NDUFA3: variants seen among roughly 807,000 people sequenced by gnomAD.
NDUFA3 encodes NADH:ubiquinone oxidoreductase subunit A3, also known as NADH dehydrogenase [ubiquinone] 1 alpha subcomplex subunit 3.
In NDUFA3, 10 loss-of-function variants were observed where a neutral mutation model predicts 11.4. The ratio of observed to expected loss-of-function variants is 0.87; its 90% confidence interval spans 0.54 to 1.48. NDUFA3 has a LOEUF of 1.48. Among genes scored for constraint, NDUFA3 ranks in the 40% most tolerant of loss-of-function variants. NDUFA3 has a pLI of 0.00. For synonymous variants in NDUFA3, 39 were observed against 46.9 expected (o/e 0.83, Z 0.68); for missense variants, 115 against 110.5 (o/e 1.04, Z -0.18).
In NDUFA3 at chr19:54,107,126, AG is replaced by A. The variant is rs760267343; in HGVS notation, c.*227del. ...ACCCCGAGAAACCCAACTGGAATCC[AG>A]GGCCTCATCTGCTTCAAAGCCAAAG... On this transcript the variant is annotated 3_prime_UTR_variant, in exon 4 of 4. Transcript: ENST00000485876. The A allele has an allele frequency of 2.1e-5, 34 of 1,614,004 alleles. No homozygotes were observed. The African/African-American group carries it at 4.3e-4, about 20-fold the overall frequency.
At chr19:54,104,943 G>A (rs1181814391) in intron 2 of NDUFA3, among the ~76,000 whole-genome samples, 1 of 151,948 alleles carries the variant, frequency 6.6e-6, no homozygotes. Context: ...TCATCATATT[G>A]GTCAGGCTGG....
At position 54,106,922 on chromosome 19, in the gene NDUFA3, C is replaced by T. The variant is rs112753447; in HGVS notation, c.*20C>T. ...CTGTGAGCACCTCCACTGACAGAGG[C>T]GGCCCCTCCCACGGCTCCCAATAAA... On this transcript the variant is annotated 3_prime_UTR_variant, in exon 4 of 4. Transcript: ENST00000485876. 7,757 of 1,605,568 alleles carry T rather than the reference C, an allele frequency of 4.8e-3. 341 individuals carry two copies. In the African/African-American group the frequency reaches 0.091, roughly 19 times the overall value.
chr19:54,104,365 T>G (rs1203822828), intron 2 of NDUFA3, among the ~76,000 whole-genome samples: 1 of 150,894 alleles, frequency 6.6e-6, no homozygotes, highest in Non-Finnish European at 1.5e-5. Flanking sequence ...CTTGAACTCC[T>G]GACCGCAAGT....
intron 3 of NDUFA3, 180 bp downstream of exon 3, chr19:54,106,191 T>A: frequency 1.6e-6 from 1 of 641,062 alleles, no homozygotes; most frequent in Non-Finnish European, 2.6e-6. Flanking sequence ...TGTTTGTGCT[T>A]CGTTTTTGTT....
rs372184297 is a variant in NDUFA3 at position 54,106,966 on chromosome 19, C to A, written c.*64C>A. 2.1e-4 allele frequency: 336 copies of A among 1,601,304 alleles called. 2 individuals are homozygous for A. In the East Asian group the frequency reaches 3.1e-3, roughly 15 times the overall value. ...CAATAAAAATGTGAAAACCAACCCC[C>A]GAACGTGAGCATGTGTGTGATCAGA... is the stretch of plus-strand genomic sequence containing the variant. On this transcript the variant is annotated 3_prime_UTR_variant, in exon 4 of 4. Transcript: ENST00000485876.
In NDUFA3 at chr19:54,102,902, C is replaced by G. The variant is rs756953859; in HGVS notation, c.10+14C>G. 1 of 1,609,526 alleles carries G rather than the reference C, an allele frequency of 6.2e-7. No homozygotes were observed. Reference sequence around the variant, plus strand: ...AGATGGCTGCGAGTAAGTGCAGGTGCCGGTGGCGCACGGGGCTCGGGTAGT... The same window carrying G: ...AGATGGCTGCGAGTAAGTGCAGGTGGCGGTGGCGCACGGGGCTCGGGTAGT... On this transcript the variant is annotated intron_variant, in intron 1 of 3. Coordinates refer to ENST00000485876, the MANE Select transcript of NDUFA3 (RefSeq NM_004542.4).
intron 1 of NDUFA3, 81 bp downstream of exon 1, chr19:54,102,969 G>A: frequency 1.3e-6 from 2 of 1,569,022 alleles, no homozygotes; most frequent in Non-Finnish European, 1.7e-6. Flanking sequence ...GGTGCGGCAG[G>A]GCAGGGGTGG....
At position 54,107,295 on chromosome 19, in the gene NDUFA3, C is replaced by T; in HGVS notation, c.*393C>T. ...ACAGGGTCTCACTCTGTTGCCCAGG[C>T]TGGAGTGCAGTGGTGCCATCATAGT... is the stretch of plus-strand genomic sequence containing the variant. On this transcript the variant is annotated 3_prime_UTR_variant, in exon 4 of 4. Transcript: ENST00000485876. 1 of 1,329,028 alleles carries T rather than the reference C, an allele frequency of 7.5e-7. No individual in the cohort carries two copies. Among genetic ancestry groups the T allele is most frequent in the Non-Finnish European group, 1.0e-6 (1 of 967,404 alleles). The allele number at this position is 1,329,028 out of a possible 1,614,324, so 82.3% of individuals were successfully genotyped here.
intron 2 of NDUFA3, among the ~76,000 whole-genome samples, chr19:54,104,135 CTTTT>C (rs58827171): frequency 6.8e-5 from 6 of 88,604 alleles, no homozygotes; most frequent in Admixed American, 1.4e-4. Flanking sequence ...GCCCGGCCAG[CTTTT>C]TTTTTTTTTT....
At chr19:54,106,315 C>T (rs112421468) in intron 3 of NDUFA3, 6,704 of 425,098 alleles carry the variant, frequency 0.016, 73 homozygotes, top group Non-Finnish European at 0.021. Context: ...TACAGGTGCC[C>T]GCCACCACGA....
At chr19:54,103,247 C>G (rs1025429501) in intron 2 of NDUFA3, 59 bp downstream of exon 2, 1 of 1,498,538 alleles carries the variant, frequency 6.7e-7, no homozygotes, top group Non-Finnish European at 9.0e-7. Flanking sequence ...CTACATCCCT[C>G]CATCTTGTAC....
In NDUFA3 at chr19:54,106,815, C is replaced by T. The variant is rs1426852583; in HGVS notation, c.168C>T (p.Pro56=). The T allele has an allele frequency of 5.0e-6, 8 of 1,611,912 alleles. No individual in the cohort carries two copies. The highest frequency in any genetic ancestry group is 1.7e-5 in the Admixed American group (1 of 59,732). ...GGCCCACCTCCTGCCCCACAGTGCC[C>T]GTCCGTGATGATGGGAACATGCCCG... ...NKATPYNYPV[P]VRDDGNMPDV... is the part of the protein sequence containing the mutation. The change falls in exon 4 of 4, where the codon CCC becomes CCT. Residue 56 remains proline, a synonymous_variant. Transcript: ENST00000485876.
At chr19:54,102,958 A>C (rs1440159109) in intron 1 of NDUFA3, 70 bp downstream of exon 1, 68 of 1,579,204 alleles carry the variant, frequency 4.3e-5, no homozygotes, top group Non-Finnish European at 5.5e-5. Flanking sequence ...CCTGGGACTG[A>C]GGTGCGGCAG....
chr19:54,105,922 G>C lies in NDUFA3; in HGVS notation c.86-12G>C, dbSNP rs376242490. On this transcript the variant is annotated splice_polypyrimidine_tract_variant and intron_variant, in intron 2 of 3. Coordinates refer to ENST00000485876, the MANE Select transcript of NDUFA3 (RefSeq NM_004542.4). Reference sequence around the variant, plus strand: ...ACCTTCCCCTGGGCCTCACCCCTGTGTCTCTCCACAGCTGTAATTCTGCCC... The same window carrying C: ...ACCTTCCCCTGGGCCTCACCCCTGTCTCTCTCCACAGCTGTAATTCTGCCC... The C allele has an allele frequency of 4.8e-5, 77 of 1,607,248 alleles. No homozygotes were observed. The African/African-American group carries it at 7.8e-4, about 16-fold the overall frequency.
At chr19:54,105,745 A>C (rs772857343) in intron 2 of NDUFA3, 189 bp from the exon 3 acceptor site, 24 of 666,956 alleles carry the variant, frequency 3.6e-5, no homozygotes, top group African/African-American at 5.4e-5. Context: ...TTAACCCCCC[A>C]AAAAAGAGTT....
chr19:54,107,368 C>G lies in NDUFA3; in HGVS notation c.*466C>G, dbSNP rs750175747. 6 of 670,382 alleles carry G rather than the reference C, an allele frequency of 9.0e-6. No individual in the cohort carries two copies. The highest frequency in any genetic ancestry group is 1.2e-5 in the Non-Finnish European group (5 of 407,852). 41.5% of individuals were successfully genotyped at this position (670,382 alleles called of 1,614,324 possible). On this transcript the variant is annotated 3_prime_UTR_variant, in exon 4 of 4. Coordinates refer to ENST00000485876, the MANE Select transcript of NDUFA3 (RefSeq NM_004542.4). ...GGCTCAAGTGATCCTCCCACCTCAG[C>G]TTCCCAAGTAGCTGGGACTACAGGC...
At position 54,106,222 on chromosome 19, in the gene NDUFA3, A is replaced by T. The variant is rs1432096297; in HGVS notation, c.163+211A>T. 3 of 576,918 alleles carry T rather than the reference A, an allele frequency of 5.2e-6. No individual in the cohort carries two copies. The East Asian group carries it at 8.9e-5, about 17-fold the overall frequency. The allele number at this position is 576,918 out of a possible 1,614,324, so 35.7% of individuals were successfully genotyped here. On this transcript the variant is annotated intron_variant, in intron 3 of 3. Coordinates refer to ENST00000485876, the MANE Select transcript of NDUFA3 (RefSeq NM_004542.4). ...TTGTTTTTTGGGGTTTTTTTGAGACAGAGTCTCGCTCTGTCGCCAAGGCTG... is the reference window on the plus strand; with the variant it reads ...TTGTTTTTTGGGGTTTTTTTGAGACTGAGTCTCGCTCTGTCGCCAAGGCTG...
At chr19:54,105,747 A>G (rs931977260) in intron 2 of NDUFA3, 187 bp from the exon 3 acceptor site, 2 of 669,524 alleles carry the variant, frequency 3.0e-6, no homozygotes, top group Non-Finnish European at 5.5e-6. Flanking sequence ...AACCCCCCAA[A>G]AAAGAGTTTT....
At chr19:54,102,962 G>C in intron 1 of NDUFA3, 74 bp downstream of exon 1, 1 of 1,576,890 alleles carries the variant, frequency 6.3e-7, no homozygotes, top group Non-Finnish European at 8.6e-7. Flanking sequence ...GGACTGAGGT[G>C]CGGCAGGGCA....
Sources: allele counts gnomAD v4.1 joint callset (sites outside exome capture counted in the v4.1 genomes callset), GRCh38; gene constraint gnomAD v4.1.1; transcripts MANE v1.5; gene names NCBI Gene and HGNC (gene_info 2026-07-23, HGNC 2026-07-21).